The following BCL2A1 variants were observed in gnomAD, a reference collection of about 807,000 sequenced individuals.
BCL2A1 encodes the protein bcl-2-related protein A1.
Under a neutral mutation model 14.4 loss-of-function variants are expected in BCL2A1, and 10 were observed. The observed-to-expected ratio is 0.69, with a 90% confidence interval of 0.43 to 1.18. BCL2A1 has a LOEUF of 1.18. Among genes scored for constraint, BCL2A1 ranks in the 50% most tolerant of loss-of-function variants. BCL2A1 has a pLI of 0.00. For missense variants in BCL2A1, 158 were observed against 205.0 expected, an observed-to-expected ratio of 0.77 and a Z score of 1.40; for synonymous variants, 71 against 76.5, an observed-to-expected ratio of 0.93 and a Z score of 0.38.
intron 1 of BCL2A1, chr15:79,967,499 A>T: frequency 1.1e-6 from 1 of 916,878 alleles, no homozygotes; most frequent in Non-Finnish European, 1.6e-6. Flanking sequence ...TACAGGCATG[A>T]GCCACTGCAC....
intron 1 of BCL2A1, among the ~76,000 whole-genome samples, chr15:79,968,864 A>C (rs1156702514): frequency 6.6e-6 from 1 of 152,248 alleles, no homozygotes; most frequent in East Asian, 1.9e-4. Context: ...CAGGAGGCAG[A>C]GGTTGCAGTG....
In BCL2A1 at chr15:79,971,064, C is replaced by T. The variant is rs1138357; in HGVS notation, c.56G>A (p.Cys19Tyr). ...IYRLAQDYLQ[C>Y]VLQIPQPGSG... ...TCCAGGTTGTGGTATCTGTAGGACG[C>T]ACTGCAGATAGTCCTGAGCCAGCCT... Residue 19 changes from cysteine to tyrosine, a missense_variant, in exon 1 of 2, where the codon TGC (cysteine) becomes TAC (tyrosine). Cys to Tyr is a radical substitution (Grantham distance 194). Coordinates refer to ENST00000267953, the MANE Select transcript of BCL2A1 (RefSeq NM_004049.4). 0.28 allele frequency: 444,277 copies of T among 1,613,632 alleles called. 64,676 individuals are homozygous for T. The highest frequency in any genetic ancestry group is 0.53 in the East Asian group (23,764 of 44,870).
At position 79,961,142 on chromosome 15, in the gene BCL2A1, T is replaced by A. The variant is rs144574997; in HGVS notation, c.453A>T (p.Lys151Asn). Residue 151 changes from lysine to asparagine, a missense_variant, in exon 2 of 2, where the codon AAA becomes AAT. Physicochemically the swap from Lys to Asn is moderately conservative, Grantham distance 94. Transcript: ENST00000267953. ...CTTCTAGAAAAGTCATCCAGCCAGA[T>A]TTAGGTTCAAACTTCTTTACAAAGC... ...ENGFVKKFEPKSGWMTFLEVT... is the reference protein window; with the variant it reads ...ENGFVKKFEPNSGWMTFLEVT... The A allele has an allele frequency of 1.2e-6, 2 of 1,614,114 alleles. No individual in the cohort carries two copies.
intron 1 of BCL2A1, among the ~76,000 whole-genome samples, chr15:79,963,922 A>G (rs952380010): frequency 2.0e-5 from 3 of 152,220 alleles, no homozygotes; most frequent in Non-Finnish European, 2.9e-5. Context: ...TGTTAACATG[A>G]AATATGTGAG....
chr15:79,963,608 G>T (rs1358594318), intron 1 of BCL2A1, among the ~76,000 whole-genome samples: 1 of 152,062 alleles, frequency 6.6e-6, no homozygotes, highest in East Asian at 1.9e-4. Flanking sequence ...TTGTGACATT[G>T]TTCCATTGAT....
chr15:79,967,835 C>A, intron 1 of BCL2A1: 2 of 599,064 alleles, frequency 3.3e-6, no homozygotes, highest in South Asian at 2.1e-5. Context: ...AATGTCTCAT[C>A]TGAGCTGGGA....
At chr15:79,967,751 A>G (rs2035556091) in intron 1 of BCL2A1, 2 of 1,096,710 alleles carry the variant, frequency 1.8e-6, no homozygotes, top group African/African-American at 1.5e-5. Flanking sequence ...CAACATCACT[A>G]TGAAAAGATG....
At chr15:79,966,978 G>A (rs544381325) in intron 1 of BCL2A1, among the ~76,000 whole-genome samples, 1 of 152,246 alleles carries the variant, frequency 6.6e-6, no homozygotes, top group African/African-American at 2.4e-5. Context: ...AACTTGTATT[G>A]AGTACTCATT....
chr15:79,968,729 G>A (rs563377159), intron 1 of BCL2A1, among the ~76,000 whole-genome samples: 34 of 152,328 alleles, frequency 2.2e-4, no homozygotes, highest in Non-Finnish European at 4.3e-4. Context: ...TCAGGAGTTC[G>A]AGACCAGCCT....
chr15:79,970,967 A>C lies in BCL2A1; in HGVS notation c.153T>G (p.Asn51Lys). Residue 51 changes from asparagine (N) to lysine (K), a missense_variant, in exon 1 of 2, where the codon AAT (asparagine) becomes AAG (lysine). By Grantham distance (94) the Asn-to-Lys change is moderately conservative (BLOSUM62 0). Transcript: ENST00000267953. Reference sequence around the variant, plus strand: ...TAACATTGTCCAAGCATGACTTCAGATTCTTTTCCACTTCTTTTTGGACTG... The same window carrying C: ...TAACATTGTCCAAGCATGACTTCAGCTTCTTTTCCACTTCTTTTTGGACTG... ...AFSVQKEVEK[N>K]LKSCLDNVNV... is the part of the protein sequence containing the mutation. 1 of 1,614,226 alleles carries C rather than the reference A, an allele frequency of 6.2e-7. No individual in the cohort carries two copies. Among genetic ancestry groups the C allele is most frequent in the Non-Finnish European group, 8.5e-7 (1 of 1,180,040 alleles).
chr15:79,970,957 A>T lies in BCL2A1; in HGVS notation c.163T>A (p.Cys55Ser). The change falls in exon 1 of 2, where the codon TGC (cysteine) becomes AGC (serine). Residue 55 changes from cysteine (C) to serine (S), a missense_variant. Transcript: ENST00000267953. ...GACACAACATTAACATTGTCCAAGC[A>T]TGACTTCAGATTCTTTTCCACTTCT... ...QKEVEKNLKS[C>S]LDNVNVVSVD... 6.2e-7 allele frequency: 1 copy of T among 1,614,254 alleles called. No homozygotes were observed. The highest frequency in any genetic ancestry group is 8.5e-7 in the Non-Finnish European group (1 of 1,180,040).
intron 1 of BCL2A1, among the ~76,000 whole-genome samples, chr15:79,964,551 T>C (rs898071212): frequency 2.0e-5 from 3 of 152,226 alleles, no homozygotes; most frequent in Non-Finnish European, 2.9e-5. Flanking sequence ...ATTTATTCAT[T>C]CAGGAAATAT....
At chr15:79,962,685 C>G (rs1034846294) in intron 1 of BCL2A1, among the ~76,000 whole-genome samples, 3 of 151,676 alleles carry the variant, frequency 2.0e-5, no homozygotes, top group Admixed American at 6.6e-5. Context: ...GTAGCTGGGA[C>G]TACAGACGCG....
Position 79,971,067 on chromosome 15 carries a change from T to C in BCL2A1, c.53A>G (p.Gln18Arg). 6.2e-7 allele frequency: 1 copy of C among 1,614,216 alleles called. No homozygotes were observed. The highest frequency in any genetic ancestry group is 8.5e-7 in the Non-Finnish European group (1 of 1,180,014). Residue 18 changes from glutamine (Q) to arginine (R), a missense_variant, in exon 1 of 2, where the codon CAG (glutamine) becomes CGG (arginine). Physicochemically the swap from Gln to Arg is conservative, Grantham distance 43. Transcript: ENST00000267953. ...AGGTTGTGGTATCTGTAGGACGCAC[T>C]GCAGATAGTCCTGAGCCAGCCTGTA... ...YIYRLAQDYL[Q>R]CVLQIPQPGS...
At chr15:79,965,939 T>G (rs1192703943) in intron 1 of BCL2A1, among the ~76,000 whole-genome samples, 1 of 151,420 alleles carries the variant, frequency 6.6e-6, no homozygotes, top group Non-Finnish European at 1.5e-5. Flanking sequence ...GGACTATTAT[T>G]TAGAGTAAGA....
chr15:79,963,013 G>A (rs906438276), intron 1 of BCL2A1, among the ~76,000 whole-genome samples: 5 of 151,906 alleles, frequency 3.3e-5, no homozygotes, highest in Admixed American at 1.3e-4. Flanking sequence ...TCAAAGTCTT[G>A]CTCTGCCACC....
intron 1 of BCL2A1, among the ~76,000 whole-genome samples, chr15:79,964,904 A>G (rs1233251289): frequency 6.6e-6 from 1 of 152,220 alleles, no homozygotes; most frequent in Non-Finnish European, 1.5e-5. Flanking sequence ...CAGAGGGAGC[A>G]GCAAGTGCAA....
intron 1 of BCL2A1, among the ~76,000 whole-genome samples, chr15:79,961,871 C>CA (rs2035493539): frequency 6.6e-6 from 1 of 152,094 alleles, no homozygotes; most frequent in Non-Finnish European, 1.5e-5. Context: ...TAATCCTCAC[C>CA]AAAAACTATC....
chr15:79,966,835 C>A (rs62025491), intron 1 of BCL2A1, among the ~76,000 whole-genome samples: 3 of 140,560 alleles, frequency 2.1e-5, no homozygotes, highest in African/African-American at 7.6e-5. Context: ...GGCAGGAAGG[C>A]AGGAAGGAAG....
Sources: gnomAD v4.1 joint callset for allele counts (sites outside exome capture counted in the v4.1 genomes callset) on GRCh38, gnomAD v4.1.1 for gene constraint, MANE v1.5 for transcripts, NCBI Gene and HGNC (gene_info 2026-07-23, HGNC 2026-07-21) for gene names.